The following C8A variants were observed in gnomAD, a reference collection of about 807,000 sequenced individuals.
C8A encodes the protein complement component C8 alpha chain.
In C8A, 67 loss-of-function variants were observed where a neutral mutation model predicts 65.3. That is an observed-to-expected ratio of 1.03 (90% CI 0.84 to 1.26). The LOEUF (loss-of-function observed/expected upper bound fraction) is 1.26. C8A is among the 50% of genes most tolerant of loss of function. The probability of loss-of-function intolerance (pLI) is 0.00; values close to 1 mark genes in which losing one functional copy is unlikely to be tolerated. For missense variants in C8A, 781 were observed against 723.9 expected, an observed-to-expected ratio of 1.08 and a Z score of -0.90; for synonymous variants, 290 against 259.4, an observed-to-expected ratio of 1.12 and a Z score of -1.13.
At chr1:56,869,397 C>T (rs1557698732) in intron 2 of C8A, among the ~76,000 whole-genome samples, 1 of 152,172 alleles carries the variant, frequency 6.6e-6, no homozygotes, top group African/African-American at 2.4e-5. Context: ...ATATGTACCA[C>T]ATTTTCTTTA....
chr1:56,856,830 A>G (rs1643981512), intron 1 of C8A, among the ~76,000 whole-genome samples: 1 of 151,974 alleles, frequency 6.6e-6, no homozygotes, highest in South Asian at 2.1e-4. Flanking sequence ...TTCATGTTTA[A>G]CAGTTGCTTA....
intron 1 of C8A, among the ~76,000 whole-genome samples, chr1:56,866,403 C>T (rs945391349): frequency 1.1e-4 from 17 of 152,094 alleles, no homozygotes; most frequent in Admixed American, 1.3e-4. Context: ...ACCAGCTCTT[C>T]GGAGTCTTTA....
intron 1 of C8A, among the ~76,000 whole-genome samples, chr1:56,860,329 G>C (rs1203133487): frequency 6.6e-6 from 1 of 152,186 alleles, no homozygotes; most frequent in African/African-American, 2.4e-5. Context: ...CATGAAAGCA[G>C]AGAAATGTGC....
At chr1:56,917,091 T>C (rs537075154) in intron 10 of C8A, among the ~76,000 whole-genome samples, 4 of 152,338 alleles carry the variant, frequency 2.6e-5, no homozygotes, top group Non-Finnish European at 5.9e-5. Flanking sequence ...CCCTCCGCTA[T>C]CCATCTTCCA....
chr1:56,908,192 T>C (rs1464703380), intron 9 of C8A, 79 bp downstream of exon 9: 17 of 1,437,304 alleles, frequency 1.2e-5, no homozygotes, highest in Non-Finnish European at 9.8e-6. Flanking sequence ...TCATATTTCT[T>C]ATTATGAGCC....
rs1250198849 is a variant in C8A at position 56,870,687 on chromosome 1, T to TAAATTAAATTAAATTAAATTAAATTAA, written c.171+2986_171+2987insAATTAAATTAAATTAAATTAAATTAAA. 9.7e-3 allele frequency among the ~76,000 whole-genome samples: 1,480 copies of TAAATTAAATTAAATTAAATTAAATTAA among 152,130 alleles called. 14 individuals are homozygous for TAAATTAAATTAAATTAAATTAAATTAA. The highest frequency in any genetic ancestry group is 0.024 in the Middle Eastern group (7 of 294). ...TATATATCCTAAATTAAATTTTTCG[T>TAAATTAAATTAAATTAAATTAAATTAA]ATTTATTTCAGTTTAGACAGCAGGT... On this transcript the variant is annotated intron_variant, in intron 2 of 10. Coordinates refer to ENST00000361249, the MANE Select transcript of C8A (RefSeq NM_000562.3).
chr1:56,855,910 A>G (rs1165109766), intron 1 of C8A, among the ~76,000 whole-genome samples: 1 of 152,150 alleles, frequency 6.6e-6, no homozygotes, highest in East Asian at 1.9e-4. Context: ...TAAAGGAAAT[A>G]CAATTTTGAA....
At chr1:56,859,053 T>A (rs1348081946) in intron 1 of C8A, among the ~76,000 whole-genome samples, 1 of 152,224 alleles carries the variant, frequency 6.6e-6, no homozygotes, top group African/African-American at 2.4e-5. Context: ...TATTACCCTA[T>A]TTCTCTTTTG....
intron 7 of C8A, among the ~76,000 whole-genome samples, chr1:56,902,956 A>C (rs1045933012): frequency 1.3e-5 from 2 of 152,034 alleles, no homozygotes; most frequent in African/African-American, 4.8e-5. Context: ...TTCCTCCTTC[A>C]TTTTACTAAT....
rs929351999 is a variant in C8A, at chr1:56,862,264, G to A, written c.78-5345G>A. On this transcript the variant is annotated intron_variant, in intron 1 of 10. Transcript: ENST00000361249. ...CTATAAGAAAATTGAAGTTCAATAA[G>A]TAGCAGAAATCAGATTCAAATGCAT... Among the ~76,000 whole-genome samples, 3 of 152,186 alleles carry A rather than the reference G, an allele frequency of 2.0e-5. 1 individual carries two copies. The highest frequency in any genetic ancestry group is 7.2e-5 in the African/African-American group (3 of 41,446).
At chr1:56,899,733 C>T (rs532139398) in intron 7 of C8A, among the ~76,000 whole-genome samples, 1 of 152,210 alleles carries the variant, frequency 6.6e-6, no homozygotes, top group Non-Finnish European at 1.5e-5. Context: ...TGCAGCATTT[C>T]TGGCAACAGC....
intron 7 of C8A, among the ~76,000 whole-genome samples, chr1:56,903,054 G>T (rs1297343210): frequency 6.6e-6 from 1 of 152,112 alleles, no homozygotes; most frequent in Admixed American, 6.6e-5. Context: ...CCGCTAAGCT[G>T]TCTATTTCTC....
intron 7 of C8A, among the ~76,000 whole-genome samples, chr1:56,899,868 C>T (rs1045918473): frequency 1.3e-5 from 2 of 152,166 alleles, no homozygotes; most frequent in Non-Finnish European, 2.9e-5. Flanking sequence ...GTATTAAAAT[C>T]CCCATCTTAC....
intron 9 of C8A, among the ~76,000 whole-genome samples, chr1:56,909,699 A>G (rs1644491754): frequency 6.6e-6 from 1 of 152,212 alleles, no homozygotes; most frequent in African/African-American, 2.4e-5. Context: ...GGAGAAAGAC[A>G]TAATTTAGGT....
rs1470208439 is a variant in C8A at position 56,912,329 on chromosome 1, G to T, written c.1381-74G>T. 5 of 1,407,316 alleles carry T rather than the reference G, an allele frequency of 3.6e-6. No individual in the cohort carries two copies. The East Asian group carries it at 6.9e-5, about 19-fold the overall frequency. The allele number at this position is 1,407,316 out of a possible 1,614,324, so 87.2% of individuals were successfully genotyped here. On this transcript the variant is annotated intron_variant, in intron 9 of 10. Transcript: ENST00000361249. Reference sequence around the variant, plus strand: ...CATGTATCAGGCCTTCCAGAAGCTTGGTGGCCGGTTCTTGGGCTCTGGGAA... The same window carrying T: ...CATGTATCAGGCCTTCCAGAAGCTTTGTGGCCGGTTCTTGGGCTCTGGGAA...
intron 1 of C8A, among the ~76,000 whole-genome samples, chr1:56,860,078 T>G (rs1481663026): frequency 6.6e-6 from 1 of 152,148 alleles, no homozygotes; most frequent in African/African-American, 2.4e-5. Context: ...AAAAAATTTT[T>G]TTTTACATTG....
chr1:56,894,502 C>A (rs986145114), intron 7 of C8A, among the ~76,000 whole-genome samples: 3 of 152,144 alleles, frequency 2.0e-5, no homozygotes, highest in African/African-American at 4.8e-5. Context: ...CTGGGAAAGA[C>A]CCTTCCAGCA....
In C8A at chr1:56,885,476, T is replaced by G. The variant is rs188176823; in HGVS notation, c.856-451T>G. ...TATATTTCCGTAAATATATATTTAT[T>G]TAAATATATATTTACGTAAATACAT... On this transcript the variant is annotated intron_variant, in intron 6 of 10. Transcript: ENST00000361249. Among the ~76,000 whole-genome samples, 10 of 102,598 alleles carry G rather than the reference T, an allele frequency of 9.7e-5. 2 individuals are homozygous for G. In the South Asian group the frequency reaches 1.3e-3, roughly 13 times the overall value. 67.3% of individuals were successfully genotyped at this position (102,598 alleles called of 152,430 possible).
intron 4 of C8A, among the ~76,000 whole-genome samples, chr1:56,881,172 T>A (rs1644244216): frequency 6.6e-6 from 1 of 152,204 alleles, no homozygotes; most frequent in Non-Finnish European, 1.5e-5. Flanking sequence ...GAACATAGAT[T>A]GAGAAACTGT....
Sources: allele counts gnomAD v4.1 joint callset (sites outside exome capture counted in the v4.1 genomes callset), GRCh38; gene constraint gnomAD v4.1.1; transcripts MANE v1.5; gene names NCBI Gene and HGNC (gene_info 2026-07-23, HGNC 2026-07-21).